Variants in CTNNA2 observed in about 807,000 individuals in gnomAD.
CTNNA2 encodes catenin alpha-2.
A neutral mutation model predicts 101.0 loss-of-function variants in CTNNA2; 42 were observed. The observed-to-expected ratio is 0.42, with a 90% CI of 0.32 to 0.54. CTNNA2 has a LOEUF of 0.54. Ranked by LOEUF, CTNNA2 falls within the 20% of genes least tolerant of loss-of-function variation. The pLI, the probability that CTNNA2 is intolerant of heterozygous loss-of-function variation, is 0.14. For missense variants in CTNNA2, 871 were observed against 1,223.1 expected (o/e 0.71, Z 4.29); for synonymous variants, 450 against 456.4 (o/e 0.99, Z 0.18).
At chr2:79,519,139 G>A (rs1671963999) in intron 1 of CTNNA2, among the ~76,000 whole-genome samples, 2 of 149,338 alleles carry the variant, frequency 1.3e-5, no homozygotes, top group East Asian at 2.0e-4. Flanking sequence ...TGAGGCAGGA[G>A]AATCGCTTGA....
chr2:80,550,299 C>T (rs1671898035), intron 11 of CTNNA2, among the ~76,000 whole-genome samples: 1 of 152,156 alleles, frequency 6.6e-6, no homozygotes, highest in Admixed American at 6.5e-5. Flanking sequence ...CTTCAGCCAG[C>T]CATAATCTCT....
intron 4 of CTNNA2, among the ~76,000 whole-genome samples, chr2:79,479,365 A>G (rs904682206): frequency 1.3e-5 from 2 of 152,220 alleles, no homozygotes; most frequent in Non-Finnish European, 2.9e-5. Context: ...CTCAATGTGA[A>G]GCATTTAAGA....
chr2:80,336,605 G>C lies in CTNNA2; in HGVS notation c.1057-56606G>C, dbSNP rs112424931. On this transcript the variant is annotated intron_variant, in intron 7 of 18. Transcript: ENST00000402739. The stretch of plus-strand genomic sequence containing the variant: ...AGTTTTGACAAATGCTTGCATCTAT[G>C]CATCTCAAACCCCTATATAGTACTT... Among the ~76,000 whole-genome samples the C allele has an allele frequency of 6.0e-4, 91 of 152,224 alleles. 1 individual carries two copies. The highest frequency in any genetic ancestry group is 2.1e-3 in the African/African-American group (87 of 41,542).
At chr2:79,316,894 TC>T (rs1249473102) in intron 3 of CTNNA2, among the ~76,000 whole-genome samples, 1 of 151,990 alleles carries the variant, frequency 6.6e-6, no homozygotes, top group African/African-American at 2.4e-5. Flanking sequence ...GCTATTTTTT[TC>T]CATCTAATTG....
intron 1 of CTNNA2, among the ~76,000 whole-genome samples, chr2:79,636,613 A>G (rs1680087217): frequency 6.6e-6 from 1 of 152,168 alleles, no homozygotes; most frequent in Non-Finnish European, 1.5e-5. Flanking sequence ...GAAATGATTT[A>G]CTTATTGATT....
chr2:79,979,448 C>T (rs1000454277), intron 7 of CTNNA2, among the ~76,000 whole-genome samples: 14 of 152,170 alleles, frequency 9.2e-5, no homozygotes, highest in Admixed American at 7.9e-4. Flanking sequence ...AACATCATTT[C>T]GGTGTCCCAG....
Position 79,187,270 on chromosome 2 carries a change from C to CTTTTCTTTTTTT in CTNNA2, c.-524+1843_-524+1844insCTTTTTTTTTTT, listed in dbSNP as rs1242631840. On this transcript the variant is annotated intron_variant, in intron 1 of 21. Transcript: ENST00000466387. ...CTTTTCTTTTCTTTTCTTTTCTTTT[C>CTTTTCTTTTTTT]TTTTTTTTTTTTTTTTTGAGACAGA... Among the ~76,000 whole-genome samples, 5 of 65,468 alleles carry CTTTTCTTTTTTT rather than the reference C, an allele frequency of 7.6e-5. 1 individual carries two copies. Among genetic ancestry groups the CTTTTCTTTTTTT allele is most frequent in the African/African-American group, 2.9e-4 (4 of 13,938 alleles). 42.9% of individuals were successfully genotyped at this position (65,468 alleles called of 152,430 possible).
intron 9 of CTNNA2, among the ~76,000 whole-genome samples, chr2:80,474,088 G>A (rs898623199): frequency 8.5e-5 from 13 of 152,170 alleles, no homozygotes; most frequent in Middle Eastern, 3.2e-3. Context: ...GGCCAAGGCA[G>A]TTGTCATTTA....
intron 7 of CTNNA2, among the ~76,000 whole-genome samples, chr2:79,965,120 C>T (rs191615795): frequency 7.2e-5 from 11 of 152,272 alleles, no homozygotes; most frequent in Admixed American, 2.6e-4. Flanking sequence ...GAGTCATTTT[C>T]ATTTGCCTGT....
At chr2:79,835,468 T>C (rs995944825) in intron 3 of CTNNA2, among the ~76,000 whole-genome samples, 1 of 152,084 alleles carries the variant, frequency 6.6e-6, no homozygotes, top group Non-Finnish European at 1.5e-5. Context: ...CTACTGAATG[T>C]TGATATTCCC....
At chr2:80,433,161 C>G (rs1431990899) in intron 9 of CTNNA2, among the ~76,000 whole-genome samples, 2 of 152,122 alleles carry the variant, frequency 1.3e-5, no homozygotes, top group Non-Finnish European at 2.9e-5. Context: ...TCAAGTATCT[C>G]TGTTACGTAG....
At chr2:79,595,554 G>A (rs906322385) in intron 1 of CTNNA2, among the ~76,000 whole-genome samples, 2 of 152,070 alleles carry the variant, frequency 1.3e-5, no homozygotes, top group Admixed American at 6.5e-5. Context: ...AGCCCAGGGC[G>A]AAAACCAGGT....
intron 18 of CTNNA2, among the ~76,000 whole-genome samples, chr2:80,633,529 T>A: frequency 6.6e-6 from 1 of 152,160 alleles, no homozygotes; most frequent in East Asian, 1.9e-4. Flanking sequence ...TCATAAGGCA[T>A]GTTTCCCTCC....
At chr2:79,523,306 GA>G in intron 1 of CTNNA2, 1 of 443,672 alleles carries the variant, frequency 2.3e-6, no homozygotes, top group Non-Finnish European at 4.5e-6. Context: ...AAATAGAGGT[GA>G]AGGTTTGTGT....
At chr2:79,290,696 TTGAC>T (rs1223702653) in intron 2 of CTNNA2, among the ~76,000 whole-genome samples, 7 of 152,108 alleles carry the variant, frequency 4.6e-5, no homozygotes, top group African/African-American at 1.7e-4. Flanking sequence ...GACATGGAGT[TTGAC>T]TGGGGAGTCC....
intron 2 of CTNNA2, among the ~76,000 whole-genome samples, chr2:79,217,383 C>T (rs778601186): frequency 1.3e-5 from 2 of 151,854 alleles, no homozygotes; most frequent in African/African-American, 4.8e-5. Context: ...CACCTGGGTG[C>T]AGGGGGGCTG....
intron 7 of CTNNA2, among the ~76,000 whole-genome samples, chr2:80,377,221 A>C (rs1365394350): frequency 6.6e-6 from 1 of 152,214 alleles, no homozygotes; most frequent in Non-Finnish European, 1.5e-5. Context: ...AGCCTATAAA[A>C]CAATTTATTC....
At chr2:79,782,691 G>A (rs539048964) in intron 3 of CTNNA2, among the ~76,000 whole-genome samples, 5 of 152,120 alleles carry the variant, frequency 3.3e-5, no homozygotes, top group East Asian at 1.9e-4. Flanking sequence ...TTAATTGTTC[G>A]GTCTCTACAT....
intron 2 of CTNNA2, among the ~76,000 whole-genome samples, chr2:79,700,394 G>A (rs1684925081): frequency 6.6e-6 from 1 of 152,048 alleles, no homozygotes; most frequent in Non-Finnish European, 1.5e-5. Flanking sequence ...AGAGACAGAT[G>A]GGACACGTAG....
Sources: allele counts gnomAD v4.1 joint callset (sites outside exome capture counted in the v4.1 genomes callset), GRCh38; gene constraint gnomAD v4.1.1; transcripts MANE v1.5; gene names NCBI Gene and HGNC (gene_info 2026-07-23, HGNC 2026-07-21).